Variants in MYO5A observed in about 807,000 individuals in gnomAD.
MYO5A encodes the protein myosin VA, also known as unconventional myosin-Va.
In MYO5A, 98 loss-of-function variants were observed where a neutral mutation model predicts 249.7. That is an observed-to-expected ratio of 0.39 (90% confidence interval 0.33 to 0.46). The LOEUF (loss-of-function observed/expected upper bound fraction) is 0.46, where lower values mean the gene tolerates loss of function less well. MYO5A is among the 20% of genes least tolerant of loss of function. The pLI, the probability that MYO5A is intolerant of heterozygous loss-of-function variation, is 0.98. For synonymous variants in MYO5A, 778 were observed against 810.6 expected (o/e 0.96, Z 0.68); for missense variants, 1,696 against 2,308.8 (o/e 0.73, Z 5.44).
chr15:52,368,360 T>C (rs2040919372), intron 22 of MYO5A, among the ~76,000 whole-genome samples: 1 of 152,088 alleles, frequency 6.6e-6, no homozygotes, highest in African/African-American at 2.4e-5. Context: ...TTGGTAGGGG[T>C]GCACAACCAA....
At chr15:52,431,946 G>A (rs1422576417) in intron 2 of MYO5A, among the ~76,000 whole-genome samples, 1 of 151,634 alleles carries the variant, frequency 6.6e-6, no homozygotes, top group East Asian at 1.9e-4. Context: ...GACAAAGTGA[G>A]ACCCTGCCTC....
intron 1 of MYO5A, among the ~76,000 whole-genome samples, chr15:52,484,643 ATGTT>A (rs1235269228): frequency 3.3e-5 from 5 of 152,044 alleles, no homozygotes; most frequent in South Asian, 2.1e-4. Flanking sequence ...TCTGATTTCA[ATGTT>A]TGTTTGTTTG....
Position 52,445,754 on chromosome 15 carries a change from C to A in MYO5A, c.28-12469G>T, listed in dbSNP as rs146598953. ...AAAGGTCACGTGTGTTACGCCTCAC[C>A]AAAGAACTTGGCTACAATGTGGCCC... is the stretch of plus-strand genomic sequence containing the variant. On this transcript the variant is annotated intron_variant, in intron 1 of 41. Transcript: ENST00000399233. Among the ~76,000 whole-genome samples the A allele has an allele frequency of 7.2e-5, 11 of 152,260 alleles. No homozygotes were observed. In the East Asian group the frequency reaches 2.1e-3, roughly 29 times the overall value.
At chr15:52,475,336 C>G (rs139677921) in intron 1 of MYO5A, among the ~76,000 whole-genome samples, 1 of 152,004 alleles carries the variant, frequency 6.6e-6, no homozygotes, top group African/African-American at 2.4e-5. Flanking sequence ...TTCAAAAAAC[C>G]AGGTCCTGGA....
At chr15:52,510,623 T>C (rs761231805) in intron 1 of MYO5A, among the ~76,000 whole-genome samples, 2 of 151,670 alleles carry the variant, frequency 1.3e-5, no homozygotes, top group African/African-American at 2.4e-5. Flanking sequence ...AACCCTATTA[T>C]GAACTGCACA....
chr15:52,393,568 T>C (rs912940134), intron 11 of MYO5A, among the ~76,000 whole-genome samples: 1 of 152,084 alleles, frequency 6.6e-6, no homozygotes, highest in South Asian at 2.1e-4. Context: ...TAAATTTTTA[T>C]ATTTTTAGTA....
At chr15:52,476,067 G>C (rs372170024) in intron 1 of MYO5A, among the ~76,000 whole-genome samples, 25 of 152,040 alleles carry the variant, frequency 1.6e-4, no homozygotes, top group East Asian at 1.5e-3. Flanking sequence ...TTTGAATCTG[G>C]GTGCTCCTGT....
At chr15:52,502,774 G>T (rs1163963678) in intron 1 of MYO5A, among the ~76,000 whole-genome samples, 1 of 152,212 alleles carries the variant, frequency 6.6e-6, no homozygotes, top group Non-Finnish European at 1.5e-5. Context: ...GTTACACAAA[G>T]AATTAGTGTC....
chr15:52,443,571 C>T (rs2075827175), intron 1 of MYO5A, among the ~76,000 whole-genome samples: 1 of 151,306 alleles, frequency 6.6e-6, no homozygotes, highest in Admixed American at 6.6e-5. Flanking sequence ...ATTAGCTGGG[C>T]ATGGTGGTGG....
intron 18 of MYO5A, among the ~76,000 whole-genome samples, chr15:52,378,563 A>C (rs1236727297): frequency 7.5e-6 from 1 of 132,510 alleles, no homozygotes; most frequent in Non-Finnish European, 1.7e-5. Context: ...AAAAAGCCCC[A>C]GTTAAAAAAA....
At chr15:52,454,390 G>C (rs1194010096) in intron 1 of MYO5A, among the ~76,000 whole-genome samples, 1 of 152,036 alleles carries the variant, frequency 6.6e-6, no homozygotes, top group Non-Finnish European at 1.5e-5. Flanking sequence ...GTCCAAGAGA[G>C]GGATACACTG....
intron 1 of MYO5A, among the ~76,000 whole-genome samples, chr15:52,500,137 G>A (rs899646848): frequency 6.6e-6 from 1 of 152,062 alleles, no homozygotes; most frequent in Non-Finnish European, 1.5e-5. Context: ...ATCACCACCC[G>A]TGCACAAGAG....
chr15:52,400,933 A>T (rs1388065437), intron 9 of MYO5A, among the ~76,000 whole-genome samples: 1 of 152,098 alleles, frequency 6.6e-6, no homozygotes, highest in East Asian at 1.9e-4. Context: ...ATTTGCCCAC[A>T]TTTTGCTAAC....
At position 52,371,309 on chromosome 15, in the gene MYO5A, A is replaced by G. The variant is rs142705113; in HGVS notation, c.2817+815T>C. On this transcript the variant is annotated intron_variant, in intron 21 of 41. Transcript: ENST00000399233. The stretch of plus-strand genomic sequence containing the variant: ...ACCTTTATATCATTTACATGTGCTA[A>G]AATATTAGTAACTATCTTTAATCAA... Among the ~76,000 whole-genome samples the G allele has an allele frequency of 4.4e-4, 67 of 152,238 alleles. 1 individual carries two copies. In the East Asian group the frequency reaches 7.1e-3, roughly 16 times the overall value.
intron 29 of MYO5A, among the ~76,000 whole-genome samples, chr15:52,348,463 A>G (rs547427424): frequency 2.9e-3 from 437 of 152,304 alleles, no homozygotes; most frequent in Admixed American, 4.5e-3. Context: ...CAAGCCCGCC[A>G]CTGGTAGATA....
intron 1 of MYO5A, among the ~76,000 whole-genome samples, chr15:52,439,161 G>A (rs1368182170): frequency 6.6e-6 from 1 of 152,206 alleles, no homozygotes; most frequent in African/African-American, 2.4e-5. Flanking sequence ...AAGAACCCCA[G>A]GTCAGAGAAC....
At chr15:52,460,749 T>C (rs867194267) in intron 1 of MYO5A, among the ~76,000 whole-genome samples, 9 of 152,152 alleles carry the variant, frequency 5.9e-5, no homozygotes, top group African/African-American at 2.2e-4. Context: ...TTTAATGACA[T>C]AGTTTCTCCC....
At chr15:52,316,183 G>A (rs184046075) in intron 40 of MYO5A, among the ~76,000 whole-genome samples, 87 of 141,566 alleles carry the variant, frequency 6.1e-4, no homozygotes, top group African/African-American at 2.3e-3. Flanking sequence ...GCAGTGAGTG[G>A]AGATCATACC....
Position 52,345,198 on chromosome 15 carries a change from G to A in MYO5A, c.3959+1163C>T, listed in dbSNP as rs1342838482. 2.0e-5 allele frequency among the ~76,000 whole-genome samples: 3 copies of A among 152,068 alleles called. No homozygotes were observed. The East Asian group carries it at 5.8e-4, about 29-fold the overall frequency. The stretch of plus-strand genomic sequence containing the variant: ...CTCCGTACACTTTAAATCATCTCTA[G>A]ATTACTTATAATACCTAAAAACTTG... On this transcript the variant is annotated intron_variant, in intron 30 of 41. Coordinates refer to ENST00000399233, the MANE Select transcript of MYO5A (RefSeq NM_001382347.1).
Sources: allele counts gnomAD v4.1 joint callset (sites outside exome capture counted in the v4.1 genomes callset), GRCh38; gene constraint gnomAD v4.1.1; transcripts MANE v1.5; gene names NCBI Gene and HGNC (gene_info 2026-07-23, HGNC 2026-07-21).